HMGCLL1: variants seen among roughly 807,000 people sequenced by gnomAD.
HMGCLL1 encodes the protein 3-hydroxymethyl-3-methylglutaryl-CoA lyase, cytoplasmic.
A neutral mutation model predicts 39.1 loss-of-function variants in HMGCLL1; 36 were observed. The ratio of observed to expected loss-of-function variants is 0.92; its 90% CI spans 0.71 to 1.22. The LOEUF is 1.22. HMGCLL1 is among the 50% of genes most tolerant of loss of function. The pLI is 0.00. For missense variants in HMGCLL1, 451 were observed against 416.5 expected, an observed-to-expected ratio of 1.08 and a Z score of -0.72; for synonymous variants, 149 against 144.0, an observed-to-expected ratio of 1.03 and a Z score of -0.25.
the HMGCLL1 span, among the ~76,000 whole-genome samples, chr6:55,661,244 C>T: frequency 6.6e-6 from 1 of 151,718 alleles, no homozygotes; most frequent in African/African-American, 2.4e-5. Flanking sequence ...TTAATTTTTG[C>T]TTTTTTTGTG....
the HMGCLL1 span, among the ~76,000 whole-genome samples, chr6:55,666,661 T>A: frequency 1.3e-5 from 2 of 151,750 alleles, no homozygotes; most frequent in Admixed American, 6.6e-5. Flanking sequence ...ACACAGATAT[T>A]CTTTCCAAAG....
chr6:55,518,666 C>T (rs992021542), intron 3 of HMGCLL1, among the ~76,000 whole-genome samples: 2 of 152,092 alleles, frequency 1.3e-5, no homozygotes, highest in Admixed American at 6.6e-5. Flanking sequence ...AATTAGCCTA[C>T]GCAAAGAGGC....
the HMGCLL1 span, among the ~76,000 whole-genome samples, chr6:55,620,025 C>T: frequency 2.0e-4 from 31 of 152,184 alleles, no homozygotes; most frequent in African/African-American, 7.0e-4. Context: ...GGATCTTATT[C>T]TTTTTTCTGA....
chr6:55,471,523 C>A (rs572493696), intron 7 of HMGCLL1, among the ~76,000 whole-genome samples: 31 of 151,676 alleles, frequency 2.0e-4, no homozygotes, highest in Non-Finnish European at 4.1e-4. Flanking sequence ...ACATTAGATA[C>A]TGTCTGGCTT....
intron 7 of HMGCLL1, among the ~76,000 whole-genome samples, chr6:55,463,904 A>T (rs940059503): frequency 3.9e-5 from 6 of 151,960 alleles, no homozygotes; most frequent in Non-Finnish European, 5.9e-5. Flanking sequence ...ACAGAATCAT[A>T]AAAAAAATAG....
the HMGCLL1 span, among the ~76,000 whole-genome samples, chr6:55,648,377 T>G: frequency 0.94 from 122,754 of 130,812 alleles, 57,785 homozygotes; most frequent in Non-Finnish European, 0.97. Flanking sequence ...GAGCAGAACT[T>G]AAGGAAATAG....
At chr6:55,583,689 A>T (rs1013636749), upstream of HMGCLL1, among the ~76,000 whole-genome samples, 2 of 152,118 alleles carry the variant, frequency 1.3e-5, no homozygotes, top group African/African-American at 4.8e-5. Context: ...AGCATGATTT[A>T]TAGTCCTTTG....
chr6:55,614,226 T>A, the HMGCLL1 span, among the ~76,000 whole-genome samples: 1 of 152,242 alleles, frequency 6.6e-6, no homozygotes, highest in Non-Finnish European at 1.5e-5. Flanking sequence ...TAACCCTCCA[T>A]GTAATGAAAT....
the HMGCLL1 span, among the ~76,000 whole-genome samples, chr6:55,608,215 C>G: frequency 6.6e-5 from 10 of 152,176 alleles, no homozygotes; most frequent in Non-Finnish European, 1.3e-4. Context: ...CTTCAAAAGT[C>G]TCATGATGTG....
rs116043380 is a variant in HMGCLL1 at position 55,524,051 on chromosome 6, T to C, written c.298-7448A>G. ...AGTAGTTCTTCTAAAATAAAGACTA[T>C]ATCTGCGTACAAATTTACATATATC... On this transcript the variant is annotated intron_variant, in intron 3 of 8. Coordinates refer to ENST00000274901, the MANE Select transcript of HMGCLL1 (RefSeq NM_001042406.2). Among the ~76,000 whole-genome samples the C allele has an allele frequency of 5.1e-3, 782 of 152,060 alleles. 6 individuals carry two copies. The highest frequency in any genetic ancestry group is 0.018 in the African/African-American group (758 of 41,530).
At chr6:55,566,872 CA>C (rs1177523595) in intron 1 of HMGCLL1, among the ~76,000 whole-genome samples, 2 of 151,994 alleles carry the variant, frequency 1.3e-5, no homozygotes, top group African/African-American at 4.8e-5. Flanking sequence ...TTTTACTACT[CA>C]AAGATATATT....
the HMGCLL1 span, among the ~76,000 whole-genome samples, chr6:55,603,425 C>G: frequency 6.7e-6 from 1 of 150,078 alleles, no homozygotes; most frequent in Non-Finnish European, 1.5e-5. Flanking sequence ...TGTGAGCACT[C>G]TTGCTACACA....
At chr6:55,629,684 G>T in the HMGCLL1 span, among the ~76,000 whole-genome samples, 1 of 152,134 alleles carries the variant, frequency 6.6e-6, no homozygotes, top group South Asian at 2.1e-4. Flanking sequence ...GGGTTCCTGT[G>T]CTGTGAGCAA....
chr6:55,588,377 C>A, the HMGCLL1 span, among the ~76,000 whole-genome samples: 37 of 151,734 alleles, frequency 2.4e-4, no homozygotes, highest in African/African-American at 8.2e-4. Flanking sequence ...ACACAACATA[C>A]CAGAATCTCT....
At chr6:55,549,518 T>A (rs1490002287) in intron 1 of HMGCLL1, among the ~76,000 whole-genome samples, 2 of 151,784 alleles carry the variant, frequency 1.3e-5, no homozygotes, top group African/African-American at 2.4e-5. Context: ...CGGTTTATAA[T>A]AGAAAATGAA....
chr6:55,577,218 G>A (rs771173124), intron 1 of HMGCLL1: 2 of 1,525,604 alleles, frequency 1.3e-6, no homozygotes, highest in African/African-American at 1.6e-5. Flanking sequence ...GTGCTGCTGT[G>A]AGTTCAATTA....
chr6:55,612,678 C>T, the HMGCLL1 span, among the ~76,000 whole-genome samples: 3 of 152,144 alleles, frequency 2.0e-5, no homozygotes, highest in African/African-American at 7.2e-5. Flanking sequence ...TTTGACAAAC[C>T]TGACAAAAAC....
intron 7 of HMGCLL1, among the ~76,000 whole-genome samples, chr6:55,471,983 G>A (rs541630511): frequency 3.2e-4 from 48 of 151,794 alleles, no homozygotes; most frequent in African/African-American, 1.2e-3. Flanking sequence ...ATTCAACCAT[G>A]TTGTATGTAG....
At chr6:55,444,050 T>C (rs367820549) in intron 7 of HMGCLL1, among the ~76,000 whole-genome samples, 6 of 152,128 alleles carry the variant, frequency 3.9e-5, no homozygotes, top group East Asian at 1.9e-4. Context: ...GTTGATTACA[T>C]TGATAGTATC....
Sources: gnomAD v4.1 joint callset for allele counts (sites outside exome capture counted in the v4.1 genomes callset) on GRCh38, gnomAD v4.1.1 for gene constraint, MANE v1.5 for transcripts, NCBI Gene and HGNC (gene_info 2026-07-23, HGNC 2026-07-21) for gene names.